Variants in CSMD2 observed in about 807,000 individuals in gnomAD.
The protein encoded by CSMD2 is CUB and sushi domain-containing protein 2.
A neutral mutation model predicts 398.5 loss-of-function variants in CSMD2; 130 were observed. The ratio of observed to expected loss-of-function variants is 0.33; its 90% CI spans 0.28 to 0.38. The LOEUF (loss-of-function observed/expected upper bound fraction) is 0.38. Ranked by LOEUF, CSMD2 falls within the 10% of genes least tolerant of loss-of-function variation. The pLI is 1.00. For missense variants in CSMD2, 3,829 were observed against 4,764.9 expected, an observed-to-expected ratio of 0.80 and a Z score of 5.78; for synonymous variants, 1,828 against 1,908.5, an observed-to-expected ratio of 0.96 and a Z score of 1.10.
chr1:33,730,135 T>A (rs1169696095), intron 15 of CSMD2, among the ~76,000 whole-genome samples: 2 of 152,176 alleles, frequency 1.3e-5, no homozygotes, highest in Non-Finnish European at 2.9e-5. Context: ...AAAACAAGAA[T>A]GAGGGATATT....
intron 29 of CSMD2, among the ~76,000 whole-genome samples, chr1:33,643,928 AGG>A (rs1643264982): frequency 6.6e-6 from 1 of 151,904 alleles, no homozygotes; most frequent in Admixed American, 6.5e-5. Flanking sequence ...GAAGGAAGGA[AGG>A]AAGGAACAAA....
chr1:34,072,392 C>T (rs1294984293), intron 2 of CSMD2, among the ~76,000 whole-genome samples: 1 of 152,070 alleles, frequency 6.6e-6, no homozygotes, highest in African/African-American at 2.4e-5. Context: ...TTCTGTGGCC[C>T]CAGAAGTTCA....
intron 33 of CSMD2, 77 bp downstream of exon 33, chr1:33,626,409 G>T: frequency 9.6e-7 from 1 of 1,044,808 alleles, no homozygotes; most frequent in Middle Eastern, 2.1e-4. Flanking sequence ...AGAGGTCAAA[G>T]ATCCCTGTCC....
At chr1:33,647,854 C>T (rs185301802) in intron 28 of CSMD2, among the ~76,000 whole-genome samples, 82 of 152,328 alleles carry the variant, frequency 5.4e-4, no homozygotes, top group South Asian at 4.8e-3. Context: ...TGAAGCCTGC[C>T]AAGGCGGACC....
chr1:33,766,145 C>A (rs1275101305), intron 13 of CSMD2, among the ~76,000 whole-genome samples: 1 of 152,212 alleles, frequency 6.6e-6, no homozygotes, highest in Non-Finnish European at 1.5e-5. Flanking sequence ...CCTATAGGAA[C>A]CATTACAAAC....
At chr1:33,564,678 C>A (rs1014339099) in intron 53 of CSMD2, among the ~76,000 whole-genome samples, 1 of 152,198 alleles carries the variant, frequency 6.6e-6, no homozygotes, top group Non-Finnish European at 1.5e-5. Context: ...GCTGGGACTA[C>A]AAGCACAAGC....
intron 5 of CSMD2, among the ~76,000 whole-genome samples, chr1:33,871,988 A>G (rs575473021): frequency 6.6e-6 from 1 of 152,312 alleles, no homozygotes; most frequent in South Asian, 2.1e-4. Context: ...TCATGAAGAC[A>G]GGGTTCTCAT....
At chr1:33,928,641 G>A (rs923920627) in intron 4 of CSMD2, among the ~76,000 whole-genome samples, 3 of 152,216 alleles carry the variant, frequency 2.0e-5, no homozygotes, top group Admixed American at 6.5e-5. Flanking sequence ...CTGGCCTCCA[G>A]AGCCCATATC....
At chr1:33,682,678 CG>C (rs1557724606) in intron 25 of CSMD2, among the ~76,000 whole-genome samples, 2 of 152,044 alleles carry the variant, frequency 1.3e-5, no homozygotes, top group Non-Finnish European at 2.9e-5. Context: ...CTGTGTGAGT[CG>C]GTTTTGCCAA....
At chr1:34,037,019 G>A (rs1651213667) in intron 2 of CSMD2, among the ~76,000 whole-genome samples, 2 of 152,086 alleles carry the variant, frequency 1.3e-5, no homozygotes, top group Non-Finnish European at 2.9e-5. Context: ...CCTGGGTCTG[G>A]GGAGTAACAT....
At chr1:34,144,071 T>C (rs1297801881) in intron 1 of CSMD2, among the ~76,000 whole-genome samples, 2 of 152,142 alleles carry the variant, frequency 1.3e-5, no homozygotes. Context: ...AGATGATCAA[T>C]GTCTTAGTCA....
intron 46 of CSMD2, 102 bp from the exon 47 acceptor site, chr1:33,583,932 A>G (rs1172372898): frequency 3.1e-6 from 3 of 956,672 alleles, no homozygotes; most frequent in Non-Finnish European, 4.8e-6. Context: ...CTAGAAAATC[A>G]GTATTTGAGC....
chr1:33,561,882 C>T (rs1312501775), intron 53 of CSMD2, among the ~76,000 whole-genome samples: 3 of 152,120 alleles, frequency 2.0e-5, no homozygotes, highest in Non-Finnish European at 4.4e-5. Flanking sequence ...GGAGAGGGTC[C>T]ATTACTTTCA....
At chr1:34,036,597 T>C (rs1442184746) in intron 2 of CSMD2, among the ~76,000 whole-genome samples, 3 of 152,198 alleles carry the variant, frequency 2.0e-5, no homozygotes, top group African/African-American at 7.2e-5. Context: ...TGTGTCTTGA[T>C]TGCAGTGATG....
Position 33,637,903 on chromosome 1 carries a change from G to A in CSMD2, c.4775-1349C>T, listed in dbSNP as rs1313485549. ...CTCAGGAGGAATTTTGCTGAGGGCCGTCCTTGTCACCTGGGTACCTTTTAG... is the reference window on the plus strand; with the variant it reads ...CTCAGGAGGAATTTTGCTGAGGGCCATCCTTGTCACCTGGGTACCTTTTAG... On this transcript the variant is annotated intron_variant, in intron 29 of 70. Coordinates refer to ENST00000373381, the MANE Select transcript of CSMD2 (RefSeq NM_001281956.2). 2.6e-5 allele frequency among the ~76,000 whole-genome samples: 4 copies of A among 152,078 alleles called. No individual in the cohort carries two copies. The East Asian group carries it at 5.8e-4, about 22-fold the overall frequency.
At chr1:33,966,314 G>C (rs2125408521) in intron 3 of CSMD2, among the ~76,000 whole-genome samples, 1 of 152,258 alleles carries the variant, frequency 6.6e-6, no homozygotes, top group African/African-American at 2.4e-5. Context: ...CTGCCCTGAT[G>C]GTTGCAAATC....
At position 33,550,162 on chromosome 1, in the gene CSMD2, T is replaced by C; in HGVS notation, c.8917+15A>G. On this transcript the variant is annotated intron_variant, in intron 56 of 70. Transcript: ENST00000373381. ...CATTCCACTGGAGCTCTTTCCTCAATGCCATGCACCATACCTGAGCAGTGA... is the reference window on the plus strand; with the variant it reads ...CATTCCACTGGAGCTCTTTCCTCAACGCCATGCACCATACCTGAGCAGTGA... The C allele has an allele frequency of 6.2e-7, 1 of 1,607,488 alleles. No individual in the cohort carries two copies. The highest frequency in any genetic ancestry group is 8.5e-7 in the Non-Finnish European group (1 of 1,175,418).
chr1:33,678,702 C>A (rs1644803073), intron 25 of CSMD2, among the ~76,000 whole-genome samples: 1 of 152,138 alleles, frequency 6.6e-6, no homozygotes, highest in Admixed American at 6.5e-5. Flanking sequence ...ACAATTAAAC[C>A]ATGATCATAA....
At position 33,707,192 on chromosome 1, in the gene CSMD2, G is replaced by A. The variant is rs1209986376; in HGVS notation, c.3576+1897C>T. On this transcript the variant is annotated intron_variant, in intron 22 of 70. Transcript: ENST00000373381. ...CTCCATATGACCTCCAGCAACCTGGGAGCCATTTCTGCTGGCTCTATCAGG... is the reference window on the plus strand; with the variant it reads ...CTCCATATGACCTCCAGCAACCTGGAAGCCATTTCTGCTGGCTCTATCAGG... Among the ~76,000 whole-genome samples the A allele has an allele frequency of 8.5e-5, 13 of 152,188 alleles. 1 individual carries two copies. Among genetic ancestry groups the A allele is most frequent in the Admixed American group, 7.9e-4 (12 of 15,278 alleles).
Sources: allele counts gnomAD v4.1 joint callset (sites outside exome capture counted in the v4.1 genomes callset), GRCh38; gene constraint gnomAD v4.1.1; transcripts MANE v1.5; gene names NCBI Gene and HGNC (gene_info 2026-07-23, HGNC 2026-07-21).